The following OCA2 variants were observed in gnomAD, a reference collection of about 807,000 sequenced individuals.
OCA2 encodes OCA2 melanosomal transmembrane protein.
A neutral mutation model predicts 100.2 loss-of-function variants in OCA2; 77 were observed. The ratio of observed to expected loss-of-function variants is 0.77; its 90% CI spans 0.64 to 0.93. OCA2 has a LOEUF of 0.93. Among genes scored for constraint, OCA2 ranks in the 40% least tolerant of loss-of-function variants. The pLI is 0.00. For missense variants in OCA2, 1,062 were observed against 1,089.1 expected, an observed-to-expected ratio of 0.98 and a Z score of 0.35; for synonymous variants, 432 against 439.2, an observed-to-expected ratio of 0.98 and a Z score of 0.21.
chr15:27,806,797 C>T (rs549574596), intron 23 of OCA2, among the ~76,000 whole-genome samples: 3 of 152,208 alleles, frequency 2.0e-5, no homozygotes, highest in Non-Finnish European at 4.4e-5. Context: ...CGGAGAGGAC[C>T]GTGGCCACCT....
chr15:27,891,484 C>G (rs1174090318), intron 19 of OCA2, among the ~76,000 whole-genome samples: 1 of 152,170 alleles, frequency 6.6e-6, no homozygotes, highest in Non-Finnish European at 1.5e-5. Flanking sequence ...GGATACCAAA[C>G]TCCATAGATG....
chr15:27,752,805 C>T (rs1468536403), downstream of OCA2, among the ~76,000 whole-genome samples: 2 of 12,300 alleles, frequency 1.6e-4, no homozygotes, highest in East Asian at 8.3e-3. Context: ...CCCCCACCCC[C>T]CCCCCCCCCC....
chr15:28,015,796 G>A (rs569432422), intron 8 of OCA2, among the ~76,000 whole-genome samples: 1 of 152,336 alleles, frequency 6.6e-6, no homozygotes, highest in South Asian at 2.1e-4. Flanking sequence ...AGTTAAGGAA[G>A]AAGAATCCTA....
chr15:27,851,031 G>C lies in OCA2; in HGVS notation c.2338+351C>G, dbSNP rs567266460. Among the ~76,000 whole-genome samples the C allele has an allele frequency of 5.3e-5, 8 of 152,296 alleles. No individual in the cohort carries two copies. The South Asian group carries it at 1.5e-3, about 28-fold the overall frequency. ...TAGCTGACCCATTTGTCCCTCCACT[G>C]CTTAAGAGAGAAAGAGAACTGCAAC... On this transcript the variant is annotated intron_variant, in intron 22 of 23. Transcript: ENST00000354638.
At chr15:28,062,254 G>T (rs576707190) in intron 2 of OCA2, among the ~76,000 whole-genome samples, 1 of 152,296 alleles carries the variant, frequency 6.6e-6, no homozygotes, top group South Asian at 2.1e-4. Context: ...TTTTATGATA[G>T]CCATCCTATT....
intron 19 of OCA2, among the ~76,000 whole-genome samples, chr15:27,906,227 T>C (rs2140222697): frequency 6.6e-6 from 1 of 152,336 alleles, no homozygotes; most frequent in South Asian, 2.1e-4. Flanking sequence ...GTTATGGATA[T>C]CCTAATTACC....
chr15:27,873,026 TCTGCATGTACAGTTG>T (rs560853926), intron 19 of OCA2, among the ~76,000 whole-genome samples: 27 of 152,334 alleles, frequency 1.8e-4, no homozygotes, highest in African/African-American at 4.8e-4. Context: ...AGAATCTCAA[TCTGCATGTACAGTTG>T]TTAGCCGACT....
Position 27,871,248 on chromosome 15 carries a change from TCTGGGA to T in OCA2, c.2144_2149del (p.Val715_Pro716del). On this transcript the variant is annotated inframe_deletion, in exon 21 of 24. Coordinates refer to ENST00000354638, the MANE Select transcript of OCA2 (RefSeq NM_000275.3). ...AATGGCGGCTATGAGGCGCTGCTCC[TCTGGGA>T]CCATCTGGAAGGAGGACAATAGCAG... 6.2e-7 allele frequency: 1 copy of T among 1,613,572 alleles called. No individual in the cohort carries two copies. The highest frequency in any genetic ancestry group is 8.5e-7 in the Non-Finnish European group (1 of 1,179,560).
intron 19 of OCA2, among the ~76,000 whole-genome samples, chr15:27,925,053 T>G (rs1254904042): frequency 1.3e-5 from 2 of 152,142 alleles, no homozygotes; most frequent in East Asian, 3.8e-4. Flanking sequence ...ATTATAAAAG[T>G]ATATACACTT....
At position 28,014,940 on chromosome 15, in the gene OCA2, A is replaced by C. The variant is rs1446145401; in HGVS notation, c.891-11T>G. ...ATGGACACCGTCTCTCTGCAGAACG[A>C]AACAACGACCTTACTGTTCACAAGG... On this transcript the variant is annotated splice_polypyrimidine_tract_variant and intron_variant, in intron 8 of 23. Transcript: ENST00000354638. 6.2e-7 allele frequency: 1 copy of C among 1,613,940 alleles called. No individual in the cohort carries two copies. The highest frequency in any genetic ancestry group is 1.3e-5 in the African/African-American group (1 of 74,918).
At chr15:27,824,602 C>CTCTCTATATATATATATATATATATATA in intron 23 of OCA2, among the ~76,000 whole-genome samples, 2 of 47,594 alleles carry the variant, frequency 4.2e-5, no homozygotes, top group Non-Finnish European at 6.3e-5. Flanking sequence ...CTCTCTCTCT[C>CTCTCTATATATATATATATATATATATA]TATATATATA....
chr15:28,078,037 C>G (rs1301515654), intron 2 of OCA2, among the ~76,000 whole-genome samples: 1 of 152,234 alleles, frequency 6.6e-6, no homozygotes, highest in Non-Finnish European at 1.5e-5. Context: ...CGAGATTGCA[C>G]CACTGCACTC....
At chr15:27,719,120 A>C in the OCA2 span, among the ~76,000 whole-genome samples, 1 of 152,192 alleles carries the variant, frequency 6.6e-6, no homozygotes, top group African/African-American at 2.4e-5. Context: ...ACTACTGCTC[A>C]AGCAGACAAG....
chr15:27,741,263 C>G, the OCA2 span, among the ~76,000 whole-genome samples: 1 of 152,126 alleles, frequency 6.6e-6, no homozygotes, highest in Non-Finnish European at 1.5e-5. Context: ...AAATTAAAAC[C>G]AAACCCAGAC....
intron 14 of OCA2, among the ~76,000 whole-genome samples, chr15:27,979,245 T>C (rs533630788): frequency 8.9e-4 from 136 of 152,338 alleles, no homozygotes; most frequent in Non-Finnish European, 1.7e-3. Flanking sequence ...GGCTAAGCTA[T>C]GATGTTCAGT....
intron 21 of OCA2, among the ~76,000 whole-genome samples, chr15:27,852,153 G>A (rs2035777701): frequency 6.6e-6 from 1 of 152,204 alleles, no homozygotes; most frequent in Non-Finnish European, 1.5e-5. Context: ...TTGCATTATT[G>A]TAATCAATGA....
At chr15:27,924,190 G>A (rs896994529) in intron 19 of OCA2, among the ~76,000 whole-genome samples, 1 of 151,944 alleles carries the variant, frequency 6.6e-6, no homozygotes, top group Non-Finnish European at 1.5e-5. Flanking sequence ...TTATTTCTGG[G>A]CTCTCTGTTC....
chr15:28,002,837 T>C (rs564722533), intron 9 of OCA2, among the ~76,000 whole-genome samples: 1 of 152,328 alleles, frequency 6.6e-6, no homozygotes, highest in African/African-American at 2.4e-5. Flanking sequence ...GCAAGGCCCC[T>C]TGGACACCGT....
chr15:28,041,052 G>A (rs113900680), intron 2 of OCA2, among the ~76,000 whole-genome samples: 2 of 151,954 alleles, frequency 1.3e-5, no homozygotes, highest in Non-Finnish European at 2.9e-5. Context: ...GACACTATAC[G>A]AAAAGAAAAC....
Sources: gnomAD v4.1 joint callset for allele counts (sites outside exome capture counted in the v4.1 genomes callset) on GRCh38, gnomAD v4.1.1 for gene constraint, MANE v1.5 for transcripts, NCBI Gene and HGNC (gene_info 2026-07-23, HGNC 2026-07-21) for gene names.